Variants in LAMA3 observed in about 807,000 individuals in gnomAD.
The protein encoded by LAMA3 is laminin subunit alpha-3.
A neutral mutation model predicts 402.0 loss-of-function variants in LAMA3; 281 were observed. That is an observed-to-expected ratio of 0.70 (90% CI 0.63 to 0.77). The LOEUF (loss-of-function observed/expected upper bound fraction) is 0.77. LAMA3 is among the 30% of genes least tolerant of loss of function. The pLI is 0.00. For synonymous variants in LAMA3, 1,431 were observed against 1,558.4 expected, an observed-to-expected ratio of 0.92 and a Z score of 1.93; for missense variants, 3,840 against 4,215.5, an observed-to-expected ratio of 0.91 and a Z score of 2.47.
intron 73 of LAMA3, 122 bp downstream of exon 73, chr18:23,951,899 G>A (rs1428206636): frequency 2.7e-6 from 2 of 752,236 alleles, no homozygotes; most frequent in Non-Finnish European, 4.7e-6. Flanking sequence ...GCCAGCCCCC[G>A]AGGCTAACGT....
chr18:23,948,804 A>C (rs1302586742), intron 70 of LAMA3, among the ~76,000 whole-genome samples: 1 of 152,088 alleles, frequency 6.6e-6, no homozygotes, highest in Non-Finnish European at 1.5e-5. Context: ...TCCTGACCTC[A>C]GGTGATCCAG....
chr18:23,837,252 C>A (rs2144552028), intron 25 of LAMA3, 163 bp downstream of exon 25: 2 of 640,262 alleles, frequency 3.1e-6, no homozygotes, highest in South Asian at 3.5e-5. Flanking sequence ...CTTGCCTCTT[C>A]ATTTGTTTGA....
chr18:23,902,980 C>A, intron 48 of LAMA3, 29 bp from the exon 49 acceptor site: 2 of 1,340,980 alleles, frequency 1.5e-6, no homozygotes, highest in Non-Finnish European at 2.1e-6. Flanking sequence ...TATCATAGAG[C>A]TCAAGCAATT....
intron 68 of LAMA3, 107 bp downstream of exon 68, chr18:23,939,493 G>C (rs150903626): frequency 1.8e-5 from 21 of 1,198,308 alleles, no homozygotes; most frequent in Non-Finnish European, 2.6e-5. Context: ...TCTAATGAAG[G>C]TGGCACTACC....
chr18:23,916,001 A>C (rs1315531951), intron 59 of LAMA3, among the ~76,000 whole-genome samples: 1 of 32,022 alleles, frequency 3.1e-5, no homozygotes, highest in African/African-American at 9.3e-5. Context: ...GTGAGACTCC[A>C]TCTCCAAAAA....
At chr18:23,758,318 T>C in intron 6 of LAMA3, 78 bp from the exon 7 acceptor site, 1 of 987,948 alleles carries the variant, frequency 1.0e-6, no homozygotes, top group Non-Finnish European at 1.6e-6. Flanking sequence ...GACTCGTGTG[T>C]CAGGTTCGCA....
At chr18:23,699,108 C>T (rs1224787300) in intron 1 of LAMA3, among the ~76,000 whole-genome samples, 1 of 151,732 alleles carries the variant, frequency 6.6e-6, no homozygotes, top group Non-Finnish European at 1.5e-5. Flanking sequence ...CCTGAGTAAC[C>T]TGAGGGTTGA....
chr18:23,840,635 C>T (rs2063681682), intron 27 of LAMA3, among the ~76,000 whole-genome samples: 1 of 152,014 alleles, frequency 6.6e-6, no homozygotes, highest in African/African-American at 2.4e-5. Context: ...GTATCCCCCA[C>T]TGCACCTTGC....
Position 23,729,120 on chromosome 18 carries a change from G to C in LAMA3, c.447+15048G>C, listed in dbSNP as rs2061348308. On this transcript the variant is annotated intron_variant, in intron 2 of 74. Coordinates refer to ENST00000313654, the MANE Select transcript of LAMA3 (RefSeq NM_198129.4). ...AAAGTGCATATGATGTATTGTGTGT[G>C]TATGTGTGTGTGTGTGTGTGTGTGT... Among the ~76,000 whole-genome samples, 5 of 62,152 alleles carry C rather than the reference G, an allele frequency of 8.0e-5. No homozygotes were observed. In the South Asian group the frequency reaches 2.5e-3, roughly 31 times the overall value. The allele number at this position is 62,152 out of a possible 152,430, so 40.8% of individuals were successfully genotyped here.
rs772750522 is a variant in LAMA3, at chr18:23,773,540, A to G, written c.1226A>G (p.Tyr409Cys). The change falls in exon 9 of 75, where the codon TAT becomes TGT. Residue 409 changes from tyrosine to cysteine, a missense_variant. Around this residue, in one of 3 missense-constraint regions of LAMA3, gnomAD observed 2,109 missense variants for 2,376.0 expected, o/e 0.89. Transcript: ENST00000313654. ...AACTGTGAACAGTGTGCTAAGGGCT[A>G]TTACCGCCCTTATGGGGTTCCAGTG... ...GVNCEQCAKG[Y>C]YRPYGVPVDA... The G allele has an allele frequency of 3.8e-6, 6 of 1,599,570 alleles. No individual in the cohort carries two copies. In the East Asian group the frequency reaches 1.3e-4, roughly 36 times the overall value.
intron 35 of LAMA3, among the ~76,000 whole-genome samples, chr18:23,863,850 A>G (rs1424312609): frequency 3.3e-5 from 5 of 151,750 alleles, no homozygotes; most frequent in Non-Finnish European, 7.4e-5. Context: ...TCAGGACCCA[A>G]GGTGTGAAGT....
intron 11 of LAMA3, among the ~76,000 whole-genome samples, chr18:23,783,323 G>C (rs1427920174): frequency 2.6e-5 from 4 of 152,088 alleles, no homozygotes; most frequent in African/African-American, 9.7e-5. Flanking sequence ...TGTTGTGAAA[G>C]AAAAACACAG....
At chr18:23,865,369 T>C (rs1379783264) in intron 36 of LAMA3, among the ~76,000 whole-genome samples, 1 of 152,180 alleles carries the variant, frequency 6.6e-6, no homozygotes, top group Non-Finnish European at 1.5e-5. Flanking sequence ...ACTCCTAGGC[T>C]CAAGCAATTC....
chr18:23,884,586 C>G (rs1259324639), intron 40 of LAMA3, among the ~76,000 whole-genome samples, 187 bp from the exon 41 acceptor site: 2 of 152,152 alleles, frequency 1.3e-5, no homozygotes, highest in African/African-American at 2.4e-5. Context: ...CAAAATTGCC[C>G]TGTGTCGGCT....
chr18:23,876,822 G>A (rs1386901696), intron 39 of LAMA3, among the ~76,000 whole-genome samples: 1 of 152,154 alleles, frequency 6.6e-6, no homozygotes, highest in African/African-American at 2.4e-5. Flanking sequence ...AGCAGCCAGG[G>A]AGAAGGGGAT....
At chr18:23,763,667 G>T in intron 8 of LAMA3, 144 bp downstream of exon 8, 1 of 731,326 alleles carries the variant, frequency 1.4e-6, no homozygotes, top group Non-Finnish European at 2.5e-6. Context: ...CTCACACAAG[G>T]CCTTGTTAGC....
chr18:23,877,908 G>A (rs1255795211), intron 39 of LAMA3, among the ~76,000 whole-genome samples: 1 of 152,034 alleles, frequency 6.6e-6, no homozygotes. Flanking sequence ...TCAGGAGTTC[G>A]AGACCATTCT....
In LAMA3 at chr18:23,824,518, A is replaced by T; in HGVS notation, c.2524A>T (p.Thr842Ser). ...TGGTTTTGCAGACCCATTTTCAATC[A>T]CACCAGGAATATGGGTTGCTTGTAT... Reference protein sequence around the residue: ...GNGFADPFSITPGIWVACIKA... With the variant: ...GNGFADPFSISPGIWVACIKA... The change falls in exon 21 of 75, where the codon ACA (threonine) becomes TCA (serine). Residue 842 changes from threonine to serine, a missense_variant. Physicochemically the swap from Thr to Ser is moderately conservative, Grantham distance 58. This residue lies in a region of LAMA3 where 2,109 missense variants were observed against 2,376.0 expected (regional missense o/e 0.89). Coordinates refer to ENST00000313654, the MANE Select transcript of LAMA3 (RefSeq NM_198129.4). 1 of 1,614,110 alleles carries T rather than the reference A, an allele frequency of 6.2e-7. No homozygotes were observed. Among genetic ancestry groups the T allele is most frequent in the Non-Finnish European group, 8.5e-7 (1 of 1,179,984 alleles).
At chr18:23,787,949 A>C (rs2144047757) in intron 12 of LAMA3, among the ~76,000 whole-genome samples, 1 of 152,312 alleles carries the variant, frequency 6.6e-6, no homozygotes, top group Non-Finnish European at 1.5e-5. Context: ...TTTAACAGAA[A>C]GTATACGAAC....
Sources: gnomAD v4.1 joint callset for allele counts (sites outside exome capture counted in the v4.1 genomes callset) on GRCh38, gnomAD v4.1.1 for gene constraint, gnomAD v4.1.1 regional missense constraint, MANE v1.5 for transcripts, NCBI Gene and HGNC (gene_info 2026-07-23, HGNC 2026-07-21) for gene names.